PDE8B: variants seen among roughly 807,000 people sequenced by gnomAD.
The protein encoded by PDE8B is phosphodiesterase 8B.
Under a neutral mutation model 101.3 loss-of-function variants are expected in PDE8B, and 26 were observed. That is an observed-to-expected ratio of 0.26 (90% confidence interval 0.19 to 0.36). The LOEUF is 0.36. Among genes scored for constraint, PDE8B ranks in the 10% least tolerant of loss-of-function variants. The probability of loss-of-function intolerance (pLI) is 1.00; values close to 1 mark genes in which losing one functional copy is unlikely to be tolerated. For synonymous variants in PDE8B, 424 were observed against 429.3 expected (o/e 0.99, Z 0.15); for missense variants, 810 against 1,163.1 (o/e 0.70, Z 4.42).
At chr5:77,363,700 A>G (rs2150578781) in intron 10 of PDE8B, among the ~76,000 whole-genome samples, 1 of 150,384 alleles carries the variant, frequency 6.6e-6, no homozygotes, top group East Asian at 2.0e-4. Flanking sequence ...TGACAGAGCA[A>G]GACTCCATCG....
chr5:77,374,630 A>C (rs1346536391), intron 10 of PDE8B, among the ~76,000 whole-genome samples: 1 of 152,186 alleles, frequency 6.6e-6, no homozygotes, highest in Non-Finnish European at 1.5e-5. Flanking sequence ...TGAAACTGGA[A>C]GTCCATTTAC....
At chr5:77,114,443 T>C in the PDE8B span, 1 of 151,968 alleles carries the variant, frequency 6.6e-6, no homozygotes, top group Non-Finnish European at 1.5e-5. Flanking sequence ...TTCTCACTCA[T>C]AGGTGGGAGT....
At chr5:77,328,338 C>A (rs1272402422) in intron 3 of PDE8B, among the ~76,000 whole-genome samples, 1 of 150,866 alleles carries the variant, frequency 6.6e-6, no homozygotes, top group Admixed American at 6.6e-5. Context: ...CTGTTTAATT[C>A]CTAGGGAATA....
At chr5:77,150,772 T>G in the PDE8B span, among the ~76,000 whole-genome samples, 312 of 152,286 alleles carry the variant, frequency 2.0e-3, no homozygotes, top group African/African-American at 7.0e-3. Flanking sequence ...TGAAGTGTAT[T>G]TATTCCATCC....
intron 1 of PDE8B, among the ~76,000 whole-genome samples, chr5:77,259,063 CACACA>C (rs1759843190): frequency 1.0e-5 from 1 of 99,720 alleles, no homozygotes; most frequent in Non-Finnish European, 2.2e-5. Context: ...CACACACACA[CACACA>C]CCCCCGCCCC....
chr5:77,157,021 C>G, the PDE8B span, among the ~76,000 whole-genome samples: 3 of 152,192 alleles, frequency 2.0e-5, no homozygotes, highest in African/African-American at 7.2e-5. Context: ...GACAGGTCCA[C>G]TGGGGTCCAG....
the PDE8B span, among the ~76,000 whole-genome samples, chr5:77,163,738 A>G: frequency 6.6e-6 from 1 of 152,228 alleles, no homozygotes. Flanking sequence ...GCAAATTAAT[A>G]AGGCTTCATG....
intron 10 of PDE8B, among the ~76,000 whole-genome samples, chr5:77,391,321 C>T (rs1324458540): frequency 6.6e-6 from 1 of 152,172 alleles, no homozygotes; most frequent in East Asian, 1.9e-4. Context: ...TGGCACTGCT[C>T]TCGGCACAGA....
At chr5:77,197,525 G>GTT in the PDE8B span, among the ~76,000 whole-genome samples, 2 of 146,760 alleles carry the variant, frequency 1.4e-5, no homozygotes, top group African/African-American at 5.0e-5. Flanking sequence ...GATTTAATTT[G>GTT]TTTTTTTTTT....
the PDE8B span, among the ~76,000 whole-genome samples, chr5:77,199,550 C>T: frequency 6.6e-6 from 1 of 152,286 alleles, no homozygotes; most frequent in Non-Finnish European, 1.5e-5. Context: ...TATGAAGGAT[C>T]TTAACCTTGT....
At chr5:77,265,156 T>C (rs1349331940) in intron 1 of PDE8B, among the ~76,000 whole-genome samples, 1 of 152,198 alleles carries the variant, frequency 6.6e-6, no homozygotes, top group African/African-American at 2.4e-5. Context: ...TAGCAGTAGC[T>C]CATGGTACTC....
chr5:77,142,229 A>G, the PDE8B span: 6 of 152,306 alleles, frequency 3.9e-5, no homozygotes, highest in African/African-American at 7.2e-5. Context: ...TTTATAAACA[A>G]TCCTTGAGGC....
At position 77,349,437 on chromosome 5, in the gene PDE8B, G is replaced by T; in HGVS notation, c.895G>T (p.Glu299Ter). ...TTAACAGTATGTCAACCCAGCCTTC[G>T]AAAGGATGATGGGCTACCACAAAGG... is the stretch of plus-strand genomic sequence containing the variant. ...HVIQYVNPAF[E>*]RMMGYHKGEL... Residue 299 changes from glutamate (E) to a stop codon, truncating the protein, a stop_gained, in exon 8 of 22, where the codon GAA becomes TAA. Coordinates refer to ENST00000264917, the MANE Select transcript of PDE8B (RefSeq NM_003719.5). LOFTEE classifies it high-confidence loss of function. 6.2e-7 allele frequency: 1 copy of T among 1,614,126 alleles called. No homozygotes were observed. The highest frequency in any genetic ancestry group is 8.5e-7 in the Non-Finnish European group (1 of 1,180,020).
chr5:77,327,413 G>A (rs1020889308), intron 3 of PDE8B, among the ~76,000 whole-genome samples: 4 of 152,190 alleles, frequency 2.6e-5, no homozygotes, highest in African/African-American at 9.7e-5. Context: ...GAAACCAAGA[G>A]AGTGTGTGCT....
chr5:77,388,908 A>G (rs1789308534), intron 10 of PDE8B, among the ~76,000 whole-genome samples: 1 of 152,130 alleles, frequency 6.6e-6, no homozygotes, highest in African/African-American at 2.4e-5. Flanking sequence ...CAGCAATGGC[A>G]GATACCCCTC....
chr5:77,108,036 C>T, the PDE8B span, among the ~76,000 whole-genome samples: 1 of 152,252 alleles, frequency 6.6e-6, no homozygotes, highest in Admixed American at 6.5e-5. Flanking sequence ...GTTTGTGCCT[C>T]CAACTCCTGG....
intron 1 of PDE8B, among the ~76,000 whole-genome samples, chr5:77,217,415 G>C (rs891806625): frequency 2.0e-5 from 3 of 151,796 alleles, no homozygotes; most frequent in Non-Finnish European, 4.4e-5. Flanking sequence ...TTTCAATAAA[G>C]AATGTGTACA....
chr5:77,109,680 G>A, the PDE8B span, among the ~76,000 whole-genome samples: 1 of 152,214 alleles, frequency 6.6e-6, no homozygotes, highest in African/African-American at 2.4e-5. Context: ...AACACCAGAG[G>A]TGAGAGCTCT....
chr5:77,200,393 A>T, the PDE8B span, among the ~76,000 whole-genome samples: 19 of 152,326 alleles, frequency 1.2e-4, no homozygotes, highest in Admixed American at 4.6e-4. Flanking sequence ...TTCTACAAAT[A>T]AGCCTCTCCT....
Sources: allele counts gnomAD v4.1 joint callset (sites outside exome capture counted in the v4.1 genomes callset), GRCh38; gene constraint gnomAD v4.1.1; transcripts MANE v1.5; gene names NCBI Gene and HGNC (gene_info 2026-07-23, HGNC 2026-07-21).